Variants in UBXN2B observed in about 807,000 individuals in gnomAD.
The protein encoded by UBXN2B is UBX domain-containing protein 2B.
In UBXN2B, 19 loss-of-function variants were observed where a neutral mutation model predicts 37.5. The observed-to-expected ratio is 0.51, with a 90% CI of 0.35 to 0.74. The LOEUF (loss-of-function observed/expected upper bound fraction) is 0.74. Ranked by LOEUF, UBXN2B falls within the 30% of genes least tolerant of loss-of-function variation. The pLI is 0.01. For synonymous variants in UBXN2B, 145 were observed against 143.8 expected, an observed-to-expected ratio of 1.01 and a Z score of -0.06; for missense variants, 370 against 393.2, an observed-to-expected ratio of 0.94 and a Z score of 0.50.
At chr8:58,438,623 C>A (rs140606874) in intron 5 of UBXN2B, among the ~76,000 whole-genome samples, 3 of 152,328 alleles carry the variant, frequency 2.0e-5, no homozygotes, top group African/African-American at 4.8e-5. Context: ...AATGCCTATA[C>A]CACCATTCTA....
intron 5 of UBXN2B, among the ~76,000 whole-genome samples, chr8:58,438,487 C>CGTG (rs1447489042): frequency 2.0e-5 from 3 of 152,324 alleles, no homozygotes; most frequent in Admixed American, 2.0e-4. Context: ...GTATATGGGA[C>CGTG]GTGGCATCAA....
At chr8:58,446,281 C>G (rs771689922) in intron 7 of UBXN2B, among the ~76,000 whole-genome samples, 1 of 152,014 alleles carries the variant, frequency 6.6e-6, no homozygotes, top group Non-Finnish European at 1.5e-5. Flanking sequence ...TATAAACTAT[C>G]CAAATACTAA....
At chr8:58,446,778 C>CTTTTTTTTTTTTTTTTTT (rs1585622637) in intron 7 of UBXN2B, among the ~76,000 whole-genome samples, 1 of 14,974 alleles carries the variant, frequency 6.7e-5, no homozygotes, top group East Asian at 2.1e-3. Context: ...GTACAACCTG[C>CTTTTTTTTTTTTTTTTTT]ATTTTTTTTT....
At chr8:58,443,201 C>T (rs926523928) in intron 6 of UBXN2B, among the ~76,000 whole-genome samples, 2 of 152,156 alleles carry the variant, frequency 1.3e-5, no homozygotes, top group Non-Finnish European at 2.9e-5. Flanking sequence ...AAAATAGAAC[C>T]TGACGGGAAT....
chr8:58,439,046 C>T (rs1198015583), intron 5 of UBXN2B, among the ~76,000 whole-genome samples: 2 of 152,142 alleles, frequency 1.3e-5, no homozygotes, highest in Admixed American at 6.5e-5. Context: ...TCTGCTCTTG[C>T]CATGTGATAT....
chr8:58,435,615 C>A (rs1171408703), intron 5 of UBXN2B, among the ~76,000 whole-genome samples: 1 of 152,090 alleles, frequency 6.6e-6, no homozygotes, highest in Non-Finnish European at 1.5e-5. Flanking sequence ...GAAATTGATA[C>A]TAATTTCAAG....
chr8:58,427,675 A>G (rs111613266), intron 2 of UBXN2B, among the ~76,000 whole-genome samples: 2 of 152,334 alleles, frequency 1.3e-5, no homozygotes, highest in African/African-American at 4.8e-5. Flanking sequence ...GCTTATGTGT[A>G]GAAATAGCTT....
intron 2 of UBXN2B, chr8:58,424,698 G>GC: frequency 2.3e-6 from 3 of 1,294,536 alleles, no homozygotes; most frequent in Non-Finnish European, 3.4e-6. Context: ...GGGGGGGGGG[G>GC]CTCTGATCTC....
At chr8:58,419,476 C>T (rs571875295) in intron 2 of UBXN2B, among the ~76,000 whole-genome samples, 3 of 152,284 alleles carry the variant, frequency 2.0e-5, no homozygotes, top group South Asian at 4.1e-4. Flanking sequence ...AGAGGAGTTA[C>T]GTAATCTACA....
rs1427974592 is a variant in UBXN2B, at chr8:58,448,778, A to G, written c.*1227A>G. The G allele has an allele frequency of 6.6e-6, 1 of 152,540 alleles. No individual in the cohort carries two copies. The highest frequency in any genetic ancestry group is 2.4e-5 in the African/African-American group (1 of 41,420). 9.4% of individuals were successfully genotyped at this position (152,540 alleles called of 1,614,324 possible). A position where few individuals can be genotyped will look rare whatever the true frequency, so the allele number is the denominator to read the frequency against. ...CAGAAGCTTTTCCTTCTTCCTAGAC[A>G]CCATTTCATCCTTAATTATTACTTC... is the stretch of plus-strand genomic sequence containing the variant. On this transcript the variant is annotated 3_prime_UTR_variant, in exon 8 of 8. Transcript: ENST00000399598.
chr8:58,412,430 T>G (rs1807662438), intron 1 of UBXN2B, among the ~76,000 whole-genome samples: 1 of 152,224 alleles, frequency 6.6e-6, no homozygotes, highest in Non-Finnish European at 1.5e-5. Flanking sequence ...AGAAATAGGG[T>G]ATGAATACTT....
chr8:58,434,438 A>G lies in UBXN2B; in HGVS notation c.467A>G (p.Asp156Gly), dbSNP rs776891147. The change falls in exon 5 of 8, where the codon GAT becomes GGT. Residue 156 changes from aspartate to glycine, a missense_variant. Coordinates refer to ENST00000399598, the MANE Select transcript of UBXN2B (RefSeq NM_001077619.2). ...LKLWSNGFSLDDGELRPYNEP... is the reference protein window; with the variant it reads ...LKLWSNGFSLGDGELRPYNEP... ...CTGTGGAGCAATGGTTTCAGTTTAG[A>G]TGATGGAGAATTGAGACCTTACAAT... 7 of 1,543,846 alleles carry G rather than the reference A, an allele frequency of 4.5e-6. No homozygotes were observed. Among genetic ancestry groups the G allele is most frequent in the East Asian group, 2.4e-5 (1 of 41,926 alleles).
chr8:58,417,042 A>C, intron 2 of UBXN2B, 89 bp downstream of exon 2: 1 of 1,048,176 alleles, frequency 9.5e-7, no homozygotes. Context: ...GGCCTTCTTC[A>C]AGGTTTCTTC....
At chr8:58,425,538 T>A in intron 2 of UBXN2B, 1 of 1,077,384 alleles carries the variant, frequency 9.3e-7, no homozygotes, top group South Asian at 1.3e-5. Context: ...TATTTTTATA[T>A]CTATTTTTGT....
intron 6 of UBXN2B, among the ~76,000 whole-genome samples, chr8:58,444,685 G>A (rs1808629556): frequency 6.6e-6 from 1 of 152,208 alleles, no homozygotes; most frequent in African/African-American, 2.4e-5. Flanking sequence ...CAGATTGGCA[G>A]TGCAATTACT....
intron 6 of UBXN2B, among the ~76,000 whole-genome samples, chr8:58,440,859 C>G (rs543413631): frequency 4.6e-5 from 7 of 152,280 alleles, no homozygotes; most frequent in Admixed American, 4.6e-4. Flanking sequence ...GAGACTGGCA[C>G]TGGGGACATA....
In UBXN2B at chr8:58,411,403, C is replaced by T. The variant is rs563014303; in HGVS notation, c.18C>T (p.Gly6=). 4.7e-5 allele frequency: 60 copies of T among 1,269,174 alleles called. No individual in the cohort carries two copies. The East Asian group carries it at 1.1e-3, about 24-fold the overall frequency. The allele number at this position is 1,269,174 out of a possible 1,614,324, so 78.6% of individuals were successfully genotyped here. The change falls in exon 1 of 8, where the codon GGC becomes GGT. Residue 6 remains glycine (G), a synonymous_variant. Coordinates refer to ENST00000399598, the MANE Select transcript of UBXN2B (RefSeq NM_001077619.2). MAEGG[G]PEPGEQERRS... ...AGCGGAAGATGGCGGAGGGCGGAGG[C>T]CCTGAGCCCGGCGAGCAGGAGAGGA...
intron 7 of UBXN2B, among the ~76,000 whole-genome samples, chr8:58,446,849 G>A (rs1201317195): frequency 1.7e-5 from 2 of 117,160 alleles, no homozygotes; most frequent in Non-Finnish European, 3.4e-5. Flanking sequence ...CCAGGCTGGA[G>A]TGCAGTGGCG....
Position 58,450,233 on chromosome 8 carries a change from T to A in UBXN2B, c.*2682T>A, listed in dbSNP as rs1456669713. 1 of 152,218 alleles carries A rather than the reference T, an allele frequency of 6.6e-6. No individual in the cohort carries two copies. The highest frequency in any genetic ancestry group is 1.5e-5 in the Non-Finnish European group (1 of 68,028). The allele number at this position is 152,218 out of a possible 1,614,324, so 9.4% of individuals were successfully genotyped here. On this transcript the variant is annotated 3_prime_UTR_variant, in exon 8 of 8. Transcript: ENST00000399598. ...ATCATCAAGTCCTGGTTTCTTTATA[T>A]TTAACAGGTCTTCCCTCAATCTACC... is the stretch of plus-strand genomic sequence containing the variant.
Sources: gnomAD v4.1 joint callset for allele counts (sites outside exome capture counted in the v4.1 genomes callset) on GRCh38, gnomAD v4.1.1 for gene constraint, MANE v1.5 for transcripts, NCBI Gene and HGNC (gene_info 2026-07-23, HGNC 2026-07-21) for gene names.